The following DNER variants were observed in gnomAD, a reference collection of about 807,000 sequenced individuals.
DNER encodes the protein delta and Notch-like epidermal growth factor-related receptor.
In DNER, 33 loss-of-function variants were observed where a neutral mutation model predicts 78.2. That is an observed-to-expected ratio of 0.42 (90% CI 0.32 to 0.56). DNER has a LOEUF of 0.56. Among genes scored for constraint, DNER ranks in the 20% least tolerant of loss-of-function variants. The probability of loss-of-function intolerance (pLI) is 0.11; values close to 1 mark genes in which losing one functional copy is unlikely to be tolerated. For synonymous variants in DNER, 417 were observed against 384.8 expected (o/e 1.08, Z -0.98); for missense variants, 918 against 975.3 (o/e 0.94, Z 0.78).
At chr2:229,625,483 C>G (rs567348130) in intron 1 of DNER, among the ~76,000 whole-genome samples, 1 of 152,068 alleles carries the variant, frequency 6.6e-6, no homozygotes, top group Non-Finnish European at 1.5e-5. Context: ...CATGAAGGCC[C>G]GGTCACCGAG....
intron 10 of DNER, among the ~76,000 whole-genome samples, chr2:229,391,149 G>A (rs73098255): frequency 0.029 from 4,481 of 152,294 alleles, 96 homozygotes; most frequent in African/African-American, 0.06. Flanking sequence ...TACGCAAAGT[G>A]TTTGAAGATG....
At chr2:229,559,527 G>A (rs562579167) in intron 4 of DNER, among the ~76,000 whole-genome samples, 3 of 152,228 alleles carry the variant, frequency 2.0e-5, no homozygotes, top group South Asian at 4.2e-4. Flanking sequence ...CTTTGGCAAC[G>A]TTAGCATGGA....
At chr2:229,512,406 G>A (rs1195261038) in intron 6 of DNER, among the ~76,000 whole-genome samples, 2 of 148,632 alleles carry the variant, frequency 1.3e-5, no homozygotes, top group African/African-American at 5.0e-5. Flanking sequence ...ATTAATTAAT[G>A]GCATTCACAG....
intron 7 of DNER, among the ~76,000 whole-genome samples, chr2:229,451,240 C>T (rs1007516579): frequency 4.6e-5 from 7 of 152,138 alleles, no homozygotes; most frequent in African/African-American, 1.4e-4. Context: ...AGGCGGATCA[C>T]GAGGTCAGGA....
At chr2:229,386,883 G>A (rs1692879329) in intron 11 of DNER, among the ~76,000 whole-genome samples, 1 of 152,190 alleles carries the variant, frequency 6.6e-6, no homozygotes, top group Admixed American at 6.5e-5. Context: ...TGGTGGGAAT[G>A]TAAATTTGTT....
At chr2:229,519,819 A>T (rs978088995) in intron 5 of DNER, among the ~76,000 whole-genome samples, 9 of 152,026 alleles carry the variant, frequency 5.9e-5, no homozygotes, top group Non-Finnish European at 1.3e-4. Flanking sequence ...CTCACTCCAG[A>T]TTTCTGTGGT....
chr2:229,445,758 A>G (rs1205432589), intron 8 of DNER, among the ~76,000 whole-genome samples: 4 of 30,872 alleles, frequency 1.3e-4, no homozygotes, highest in Non-Finnish European at 2.4e-4. Context: ...CCAGTTACTT[A>G]AAATAAATCT....
At chr2:229,431,592 A>C (rs6708821) in intron 8 of DNER, among the ~76,000 whole-genome samples, 765 of 147,958 alleles carry the variant, frequency 5.2e-3, no homozygotes, top group Non-Finnish European at 8.3e-3. Flanking sequence ...AAGGAAAAAA[A>C]AAAAGTTACT....
chr2:229,698,460 C>G (rs1321494706), intron 1 of DNER, among the ~76,000 whole-genome samples: 1 of 152,184 alleles, frequency 6.6e-6, no homozygotes, highest in African/African-American at 2.4e-5. Context: ...ACAGGCTCTA[C>G]TTGCATTTAT....
intron 12 of DNER, among the ~76,000 whole-genome samples, chr2:229,364,156 C>T (rs1306439738): frequency 6.6e-6 from 1 of 151,804 alleles, no homozygotes; most frequent in Non-Finnish European, 1.5e-5. Flanking sequence ...AGCCACATGC[C>T]TGGCCTCCTC....
chr2:229,624,070 AT>A (rs1382502459), intron 1 of DNER, among the ~76,000 whole-genome samples: 2 of 152,274 alleles, frequency 1.3e-5, no homozygotes, highest in African/African-American at 4.8e-5. Flanking sequence ...CTTCACAAAA[AT>A]TTTTCAGACA....
intron 6 of DNER, among the ~76,000 whole-genome samples, chr2:229,509,201 A>G (rs1250455754): frequency 3.3e-5 from 5 of 152,232 alleles, no homozygotes; most frequent in Non-Finnish European, 5.9e-5. Flanking sequence ...CCCCTTTGAG[A>G]ACAAACCTAG....
intron 4 of DNER, among the ~76,000 whole-genome samples, chr2:229,564,339 CCAT>C (rs759187267): frequency 1.3e-4 from 18 of 140,692 alleles, no homozygotes; most frequent in East Asian, 4.8e-4. Flanking sequence ...CACCCCATCA[CCAT>C]CATCATCATC....
At chr2:229,512,749 C>T (rs1241829661) in intron 6 of DNER, 34 bp downstream of exon 6, 3 of 1,612,462 alleles carry the variant, frequency 1.9e-6, no homozygotes, top group Non-Finnish European at 8.5e-7. Context: ...TACAGACATA[C>T]ACCTAATAAC....
At chr2:229,383,730 C>T (rs977782035) in intron 11 of DNER, among the ~76,000 whole-genome samples, 2 of 152,066 alleles carry the variant, frequency 1.3e-5, no homozygotes, top group Non-Finnish European at 2.9e-5. Flanking sequence ...TATATATGCA[C>T]CCAATAAAGG....
intron 6 of DNER, among the ~76,000 whole-genome samples, chr2:229,492,388 G>A (rs947052072): frequency 3.9e-5 from 6 of 152,184 alleles, no homozygotes; most frequent in Non-Finnish European, 5.9e-5. Flanking sequence ...AGGGATGAAT[G>A]ACACAGGGGC....
chr2:229,408,187 G>A (rs1031164206), intron 9 of DNER, among the ~76,000 whole-genome samples: 3 of 151,916 alleles, frequency 2.0e-5, no homozygotes, highest in South Asian at 2.1e-4. Context: ...ATGTATGTAC[G>A]CAAATGCCTG....
intron 1 of DNER, among the ~76,000 whole-genome samples, chr2:229,617,075 C>T (rs1420483902): frequency 6.6e-6 from 1 of 152,098 alleles, no homozygotes; most frequent in Non-Finnish European, 1.5e-5. Flanking sequence ...AAAATGAATT[C>T]AATAAATAGG....
intron 4 of DNER, 129 bp downstream of exon 4, chr2:229,585,729 G>C: frequency 1.1e-6 from 1 of 914,192 alleles, no homozygotes; most frequent in Non-Finnish European, 1.6e-6. Flanking sequence ...CCTTACCAAA[G>C]TGAAAGAAAT....
Sources: gnomAD v4.1 joint callset for allele counts (sites outside exome capture counted in the v4.1 genomes callset) on GRCh38, gnomAD v4.1.1 for gene constraint, MANE v1.5 for transcripts, NCBI Gene and HGNC (gene_info 2026-07-23, HGNC 2026-07-21) for gene names.